The following PPFIA2 variants were observed in gnomAD, a reference collection of about 807,000 sequenced individuals.
PPFIA2 encodes liprin-alpha-2.
A neutral mutation model predicts 175.5 loss-of-function variants in PPFIA2; 46 were observed. The observed-to-expected ratio is 0.26, with a 90% CI of 0.21 to 0.34. The LOEUF is 0.34. Among genes scored for constraint, PPFIA2 ranks in the 10% least tolerant of loss-of-function variants. The pLI is 1.00. For synonymous variants in PPFIA2, 568 were observed against 511.4 expected, an observed-to-expected ratio of 1.11 and a Z score of -1.49; for missense variants, 1,179 against 1,506.1, an observed-to-expected ratio of 0.78 and a Z score of 3.60.
chr12:81,417,274 T>C (rs898558053), intron 7 of PPFIA2: 1 of 151,732 alleles, frequency 6.6e-6, no homozygotes, highest in Non-Finnish European at 1.5e-5. Context: ...GATGGACTTA[T>C]TGATTTCTAT....
rs543419818 is a variant in PPFIA2, at chr12:81,669,268, T to C, written c.303+7523A>G. Among the ~76,000 whole-genome samples the C allele has an allele frequency of 2.6e-3, 400 of 152,142 alleles. 2 individuals are homozygous for C. The highest frequency in any genetic ancestry group is 4.4e-3 in the Non-Finnish European group (298 of 67,964). On this transcript the variant is annotated intron_variant, in intron 4 of 32. Coordinates refer to ENST00000549396, the MANE Select transcript of PPFIA2 (RefSeq NM_003625.5). ...ACTACTATAGTCTGAAGTTCACCTT[T>C]GTAATTTTATTCCAGAATTATTATA...
chr12:81,701,915 TAAA>T (rs748051152), intron 3 of PPFIA2, among the ~76,000 whole-genome samples: 2 of 84,196 alleles, frequency 2.4e-5, no homozygotes, highest in Non-Finnish European at 2.2e-5. Flanking sequence ...ATGGGAAGAC[TAAA>T]AAAAAAAAAA....
At chr12:81,343,803 G>A (rs184153976) in intron 19 of PPFIA2, among the ~76,000 whole-genome samples, 46 of 152,022 alleles carry the variant, frequency 3.0e-4, no homozygotes, top group African/African-American at 9.6e-5. Context: ...GCGGTGTTTC[G>A]AACATATTTT....
intron 3 of PPFIA2, among the ~76,000 whole-genome samples, chr12:81,717,380 T>C (rs2078767906): frequency 6.6e-6 from 1 of 151,686 alleles, no homozygotes; most frequent in African/African-American, 2.4e-5. Flanking sequence ...TTTGCTAGCT[T>C]CAGGCCTAAA....
chr12:81,629,418 G>C (rs1211399687), intron 4 of PPFIA2, among the ~76,000 whole-genome samples: 1 of 151,912 alleles, frequency 6.6e-6, no homozygotes, highest in Non-Finnish European at 1.5e-5. Context: ...AATTTTTTGG[G>C]GTTGGGGGAG....
At chr12:81,345,295 T>G (rs1472879911) in intron 18 of PPFIA2, among the ~76,000 whole-genome samples, 2 of 152,150 alleles carry the variant, frequency 1.3e-5, no homozygotes, top group Non-Finnish European at 2.9e-5. Context: ...TATTAGGTGT[T>G]AAGGACTTCC....
At chr12:81,298,076 C>A (rs2046938741) in intron 23 of PPFIA2, 1 of 152,102 alleles carries the variant, frequency 6.6e-6, no homozygotes, top group Admixed American at 6.5e-5. Flanking sequence ...TTGTTCGTCG[C>A]TTGCCAAAAT....
At chr12:81,595,855 T>C (rs188759334) in intron 4 of PPFIA2, among the ~76,000 whole-genome samples, 2 of 152,298 alleles carry the variant, frequency 1.3e-5, no homozygotes, top group East Asian at 3.9e-4. Flanking sequence ...AAACACAGTA[T>C]TATTCATGCT....
intron 7 of PPFIA2, among the ~76,000 whole-genome samples, chr12:81,431,974 T>C (rs112818385): frequency 3.3e-5 from 5 of 152,198 alleles, no homozygotes; most frequent in Admixed American, 2.0e-4. Context: ...TGTAGCACCA[T>C]CTGTTTTTCC....
chr12:81,497,340 T>C (rs1246944815), intron 4 of PPFIA2, among the ~76,000 whole-genome samples: 2 of 152,126 alleles, frequency 1.3e-5, no homozygotes, highest in Non-Finnish European at 2.9e-5. Flanking sequence ...AGTGTCTTCC[T>C]TTTTTATCTT....
At chr12:81,541,693 T>A (rs2066239974) in intron 4 of PPFIA2, among the ~76,000 whole-genome samples, 1 of 152,148 alleles carries the variant, frequency 6.6e-6, no homozygotes, top group Admixed American at 6.6e-5. Context: ...TGCTAATAGT[T>A]CCTTGAATAT....
At chr12:81,732,152 G>C (rs1197326034) in intron 3 of PPFIA2, among the ~76,000 whole-genome samples, 1 of 151,436 alleles carries the variant, frequency 6.6e-6, no homozygotes, top group African/African-American at 2.4e-5. Flanking sequence ...TGCTTACTTA[G>C]AAATACATTC....
chr12:81,646,138 C>G (rs142702967), intron 4 of PPFIA2, among the ~76,000 whole-genome samples: 63 of 152,282 alleles, frequency 4.1e-4, no homozygotes, highest in African/African-American at 1.4e-3. Context: ...ACTCCTCCAA[C>G]CAGCCCTTTA....
chr12:81,487,622 T>C (rs765023045), intron 4 of PPFIA2, among the ~76,000 whole-genome samples: 21 of 151,774 alleles, frequency 1.4e-4, no homozygotes, highest in Non-Finnish European at 2.4e-4. Context: ...TATTGCCACA[T>C]AGCAGTGGCA....
At position 81,741,715 on chromosome 12, in the gene PPFIA2, A is replaced by G. The variant is rs115798889; in HGVS notation, c.249+12258T>C. Among the ~76,000 whole-genome samples the G allele has an allele frequency of 5.5e-3, 842 of 151,934 alleles. 3 individuals carry two copies. Among genetic ancestry groups the G allele is most frequent in the African/African-American group, 0.019 (782 of 41,410 alleles). On this transcript the variant is annotated intron_variant, in intron 3 of 32. Transcript: ENST00000549396. ...TGGCCCAAGACAATTTATCCTTCCA[A>G]TGTGGCCCAGGGAAGCCAAAAGATT...
intron 7 of PPFIA2, among the ~76,000 whole-genome samples, chr12:81,416,420 T>C (rs537842057): frequency 6.6e-6 from 1 of 151,762 alleles, no homozygotes; most frequent in African/African-American, 2.4e-5. Flanking sequence ...TAATTCAGTG[T>C]TGAGTGCTGA....
intron 4 of PPFIA2, among the ~76,000 whole-genome samples, chr12:81,658,144 T>C (rs1269640649): frequency 6.6e-6 from 1 of 151,956 alleles, no homozygotes; most frequent in Non-Finnish European, 1.5e-5. Flanking sequence ...GTCATATGCC[T>C]GTAGTCACAG....
At chr12:81,716,543 A>G (rs1455335915) in intron 3 of PPFIA2, among the ~76,000 whole-genome samples, 1 of 148,182 alleles carries the variant, frequency 6.7e-6, no homozygotes, top group Non-Finnish European at 1.5e-5. Flanking sequence ...AAATACTTGG[A>G]AAGTACCAAC....
At chr12:81,568,037 T>G (rs1181309561) in intron 4 of PPFIA2, among the ~76,000 whole-genome samples, 1 of 152,218 alleles carries the variant, frequency 6.6e-6, no homozygotes, top group African/African-American at 2.4e-5. Flanking sequence ...GCAGTAATCA[T>G]GTTCCTAATC....
Sources: gnomAD v4.1 joint callset for allele counts (sites outside exome capture counted in the v4.1 genomes callset) on GRCh38, gnomAD v4.1.1 for gene constraint, MANE v1.5 for transcripts, NCBI Gene and HGNC (gene_info 2026-07-23, HGNC 2026-07-21) for gene names.